Variants in XPO4 observed in about 807,000 individuals in gnomAD.
XPO4 encodes the protein exportin 4.
In XPO4, 39 loss-of-function variants were observed where a neutral mutation model predicts 143.0. The observed-to-expected ratio is 0.27, with a 90% CI of 0.21 to 0.36. The LOEUF (loss-of-function observed/expected upper bound fraction) is 0.36, where lower values mean the gene tolerates loss of function less well. Among genes scored for constraint, XPO4 ranks in the 10% least tolerant of loss-of-function variants. The pLI, the probability that XPO4 is intolerant of heterozygous loss-of-function variation, is 1.00. For missense variants in XPO4, 907 were observed against 1,348.0 expected (o/e 0.67, Z 5.12); for synonymous variants, 439 against 474.0 (o/e 0.93, Z 0.96).
chr13:20,890,914 C>T (rs978381671), intron 1 of XPO4, among the ~76,000 whole-genome samples: 1 of 151,516 alleles, frequency 6.6e-6, no homozygotes, highest in Non-Finnish European at 1.5e-5. Flanking sequence ...TTGAGACCAG[C>T]CTGACCGGAC....
At position 20,779,835 on chromosome 13, in the gene XPO4, C is replaced by G. The variant is rs535137930; in HGVS notation, c.*3887G>C. 7.3e-4 allele frequency: 112 copies of G among 152,698 alleles called. No homozygotes were observed. Among genetic ancestry groups the G allele is most frequent in the African/African-American group, 2.7e-3 (111 of 41,556 alleles). 9.5% of individuals were successfully genotyped at this position (152,698 alleles called of 1,614,324 possible). The stretch of plus-strand genomic sequence containing the variant: ...AAAGCATACTTCATATATTTTATAT[C>G]TAAATGAAAATATGCTTAAAATTCA... On this transcript the variant is annotated 3_prime_UTR_variant, in exon 23 of 23. Coordinates refer to ENST00000255305, the MANE Select transcript of XPO4 (RefSeq NM_022459.5).
At chr13:20,895,919 A>G (rs1481091943) in intron 1 of XPO4, among the ~76,000 whole-genome samples, 3 of 152,166 alleles carry the variant, frequency 2.0e-5, no homozygotes, top group Non-Finnish European at 4.4e-5. Context: ...CGTTGTTTCA[A>G]TCTTCACTAC....
intron 18 of XPO4, among the ~76,000 whole-genome samples, chr13:20,794,115 C>T (rs1238713259): frequency 2.6e-5 from 4 of 151,994 alleles, no homozygotes; most frequent in African/African-American, 9.7e-5. Flanking sequence ...TGTGGACTGT[C>T]CCTTCTCCTT....
chr13:20,885,876 G>A (rs867073760), intron 1 of XPO4, among the ~76,000 whole-genome samples: 31 of 152,298 alleles, frequency 2.0e-4, no homozygotes, highest in African/African-American at 5.8e-4. Flanking sequence ...GTAGCTATCA[G>A]AGAAAAACAG....
chr13:20,856,738 C>T, intron 3 of XPO4: 2 of 707,524 alleles, frequency 2.8e-6, no homozygotes, highest in Non-Finnish European at 3.5e-6. Flanking sequence ...GACTTCTGCC[C>T]TTCCACACAC....
chr13:20,792,062 T>A (rs1469619928), intron 18 of XPO4, among the ~76,000 whole-genome samples: 1 of 152,202 alleles, frequency 6.6e-6, no homozygotes, highest in Non-Finnish European at 1.5e-5. Context: ...AAGACACGTC[T>A]CTCAGAGCCG....
Position 20,779,480 on chromosome 13 carries a change from C to A in XPO4, c.*4242G>T, listed in dbSNP as rs1420801681. 5 of 151,698 alleles carry A rather than the reference C, an allele frequency of 3.3e-5. No individual in the cohort carries two copies. The highest frequency in any genetic ancestry group is 7.4e-5 in the Non-Finnish European group (5 of 67,946). 9.4% of individuals were successfully genotyped at this position (151,698 alleles called of 1,614,324 possible). A position where few individuals can be genotyped will look rare whatever the true frequency, so the allele number is the denominator to read the frequency against. ...AGAATGCAGACGGGGAGAAAAAAAA[C>A]CAAAACCAAAAAAAAAGACACCTCT... On this transcript the variant is annotated 3_prime_UTR_variant, in exon 23 of 23. Coordinates refer to ENST00000255305, the MANE Select transcript of XPO4 (RefSeq NM_022459.5).
At chr13:20,823,578 T>A (rs1269678981) in intron 7 of XPO4, among the ~76,000 whole-genome samples, 1 of 141,326 alleles carries the variant, frequency 7.1e-6, no homozygotes, top group African/African-American at 2.9e-5. Context: ...TGTTTTTTTC[T>A]TTTTTCCATT....
At chr13:20,857,628 G>A (rs2060157029) in intron 3 of XPO4, among the ~76,000 whole-genome samples, 5 of 152,116 alleles carry the variant, frequency 3.3e-5, no homozygotes, top group Admixed American at 3.3e-4. Context: ...TCGGGAGGCT[G>A]AGGCAGGAGA....
chr13:20,826,060 A>G (rs921167975), intron 7 of XPO4, among the ~76,000 whole-genome samples: 1 of 152,210 alleles, frequency 6.6e-6, no homozygotes, highest in Non-Finnish European at 1.5e-5. Context: ...TTTACTTTTA[A>G]TTGATTTTTA....
intron 9 of XPO4, among the ~76,000 whole-genome samples, chr13:20,818,104 C>T (rs1566581272): frequency 1.3e-5 from 2 of 152,136 alleles, no homozygotes; most frequent in East Asian, 1.9e-4. Flanking sequence ...ATCTTTAAGG[C>T]AATACTTTTT....
chr13:20,851,727 AAAAGAAAG>A (rs1555339513), intron 4 of XPO4: 7 of 858,150 alleles, frequency 8.2e-6, no homozygotes, highest in East Asian at 1.4e-4. Context: ...AAAAAAAAAA[AAAAGAAAG>A]AAAGAAAGAA....
chr13:20,851,940 A>C (rs1376314534), intron 4 of XPO4: 1 of 985,286 alleles, frequency 1.0e-6, no homozygotes, highest in Non-Finnish European at 1.2e-6. Flanking sequence ...GCCAGGTTGC[A>C]GTGGGACTAG....
chr13:20,858,827 C>T (rs573449957), intron 3 of XPO4, among the ~76,000 whole-genome samples: 2 of 151,562 alleles, frequency 1.3e-5, no homozygotes, highest in East Asian at 1.9e-4. Context: ...GCCAAGATTG[C>T]GCCATTGCAC....
At chr13:20,843,143 T>G in intron 5 of XPO4, 95 bp from the exon 6 acceptor site, 2 of 1,255,174 alleles carry the variant, frequency 1.6e-6, no homozygotes, top group Non-Finnish European at 2.2e-6. Context: ...CCTTAAAATT[T>G]CCAATGGAAA....
In XPO4 at chr13:20,868,623, G is replaced by A. The variant is rs966240825; in HGVS notation, c.148C>T (p.Pro50Ser). ...IFLSFRKSKS[P>S]FAVCKHILET... The stretch of plus-strand genomic sequence containing the variant: ...AAAATATGCTTGCAAACTGCAAATG[G>A]TGATTTTGATTTCCTAAATGATAAG... The change falls in exon 2 of 23, where the codon CCA becomes TCA. Residue 50 changes from proline to serine, a missense_variant. By Grantham distance (74) the Pro-to-Ser change is moderately conservative (BLOSUM62 -1). Coordinates refer to ENST00000255305, the MANE Select transcript of XPO4 (RefSeq NM_022459.5). 6.2e-7 allele frequency: 1 copy of A among 1,612,662 alleles called. No homozygotes were observed. Among genetic ancestry groups the A allele is most frequent in the Non-Finnish European group, 8.5e-7 (1 of 1,179,444 alleles).
At chr13:20,850,874 G>A in intron 4 of XPO4, 1 of 985,376 alleles carries the variant, frequency 1.0e-6, no homozygotes, top group Non-Finnish European at 1.2e-6. Context: ...TGTCCTTCTA[G>A]AAGAGGTGTG....
chr13:20,859,357 T>C (rs567837436), intron 3 of XPO4, among the ~76,000 whole-genome samples: 1 of 152,012 alleles, frequency 6.6e-6, no homozygotes, highest in Admixed American at 6.5e-5. Flanking sequence ...TCCCAGCACT[T>C]TGGTAGGCTG....
chr13:20,807,389 A>G, intron 13 of XPO4, 68 bp downstream of exon 13: 1 of 1,468,054 alleles, frequency 6.8e-7, no homozygotes, highest in South Asian at 1.3e-5. Flanking sequence ...CCAGTCATCT[A>G]CCCATCAACT....
Sources: allele counts gnomAD v4.1 joint callset (sites outside exome capture counted in the v4.1 genomes callset), GRCh38; gene constraint gnomAD v4.1.1; transcripts MANE v1.5; gene names NCBI Gene and HGNC (gene_info 2026-07-23, HGNC 2026-07-21).